Variants in TMEM131 observed in about 807,000 individuals in gnomAD.
TMEM131 encodes 2610524E03Rik.
In TMEM131, 66 loss-of-function variants were observed where a neutral mutation model predicts 211.6. The observed-to-expected ratio is 0.31, with a 90% CI of 0.26 to 0.38. TMEM131 has a LOEUF of 0.38. Ranked by LOEUF, TMEM131 falls within the 10% of genes least tolerant of loss-of-function variation. The pLI, the probability that TMEM131 is intolerant of heterozygous loss-of-function variation, is 1.00. For missense variants in TMEM131, 2,036 were observed against 2,299.3 expected (o/e 0.89, Z 2.34); for synonymous variants, 844 against 841.3 (o/e 1.00, Z -0.06).
chr2:97,977,563 T>G (rs562910188), intron 1 of TMEM131, among the ~76,000 whole-genome samples: 1 of 152,250 alleles, frequency 6.6e-6, no homozygotes, highest in African/African-American at 2.4e-5. Context: ...GATTTCCCAG[T>G]GCTTATAAAA....
chr2:97,972,962 T>C (rs1679372188), intron 1 of TMEM131, among the ~76,000 whole-genome samples: 1 of 152,212 alleles, frequency 6.6e-6, no homozygotes, highest in African/African-American at 2.4e-5. Context: ...AAAAAATCTT[T>C]TTTAATTTTG....
At chr2:97,822,082 T>C (rs984417692) in intron 11 of TMEM131, among the ~76,000 whole-genome samples, 2 of 152,164 alleles carry the variant, frequency 1.3e-5, no homozygotes, top group African/African-American at 4.8e-5. Flanking sequence ...TCAGACAAAC[T>C]TCCTCTTGCC....
chr2:97,804,939 G>A (rs1681221404), intron 22 of TMEM131, 149 bp downstream of exon 22: 5 of 552,372 alleles, frequency 9.1e-6, no homozygotes, highest in Non-Finnish European at 1.6e-5. Context: ...GGCAATTTAA[G>A]ATGCCTCACT....
chr2:97,909,305 C>G (rs1219338409), intron 2 of TMEM131, among the ~76,000 whole-genome samples: 1 of 151,992 alleles, frequency 6.6e-6, no homozygotes, highest in Non-Finnish European at 1.5e-5. Context: ...TCATAGAGAG[C>G]AGAGGTTGGT....
intron 5 of TMEM131, among the ~76,000 whole-genome samples, chr2:97,855,551 A>C (rs907765436): frequency 6.6e-6 from 1 of 152,170 alleles, no homozygotes. Context: ...AAATACAAAA[A>C]TTAGCTGGGT....
At chr2:97,796,812 T>A (rs1442143078) in intron 27 of TMEM131, 32 bp downstream of exon 27, 2 of 1,597,442 alleles carry the variant, frequency 1.3e-6, no homozygotes, top group Non-Finnish European at 1.7e-6. Flanking sequence ...AATGCTGAAA[T>A]TAGTGTCCTT....
At chr2:97,809,829 G>C (rs543318445) in intron 18 of TMEM131, 55 bp from the exon 19 acceptor site, 1 of 1,367,674 alleles carries the variant, frequency 7.3e-7, no homozygotes, top group East Asian at 2.5e-5. Context: ...GCCTGATCTT[G>C]ATAACTATTG....
Position 97,894,658 on chromosome 2 carries a change from T to C in TMEM131, c.291-6538A>G, listed in dbSNP as rs563560558. On this transcript the variant is annotated intron_variant, in intron 3 of 40. Transcript: ENST00000186436. ...TCTTTGTAGCAATTGTGAATGGGAGTTACTCATGATTTGGCTGTCTGTTAT... is the reference window on the plus strand; with the variant it reads ...TCTTTGTAGCAATTGTGAATGGGAGCTACTCATGATTTGGCTGTCTGTTAT... Among the ~76,000 whole-genome samples, 78 of 152,302 alleles carry C rather than the reference T, an allele frequency of 5.1e-4. 1 individual carries two copies. The highest frequency in any genetic ancestry group is 1.8e-3 in the African/African-American group (74 of 41,566).
intron 31 of TMEM131, among the ~76,000 whole-genome samples, chr2:97,777,615 C>T (rs572288307): frequency 2.1e-4 from 32 of 152,334 alleles, no homozygotes; most frequent in African/African-American, 5.8e-4. Context: ...GTAAGTAAAT[C>T]GCTTAGTGAT....
intron 2 of TMEM131, among the ~76,000 whole-genome samples, chr2:97,913,275 G>A (rs780521092): frequency 1.3e-5 from 2 of 152,124 alleles, no homozygotes; most frequent in African/African-American, 4.8e-5. Flanking sequence ...ACTGAACATC[G>A]TACTACAACC....
chr2:97,874,214 T>C (rs564314999), intron 4 of TMEM131, among the ~76,000 whole-genome samples: 171 of 152,226 alleles, frequency 1.1e-3, no homozygotes, highest in African/African-American at 4.0e-3. Flanking sequence ...CCAAGAAATA[T>C]GGGACTATGT....
chr2:97,802,463 G>A lies in TMEM131; in HGVS notation c.2616C>T (p.Ser872=), dbSNP rs1288320614. The stretch of plus-strand genomic sequence containing the variant: ...ACTTATCTACAAACACTGAAGGGTT[G>A]GAATATAAAGCCAGAGGAATAAACT... ...YVQFIPLALY[S]NPSVFVDKLV... is the part of the protein sequence containing the mutation. The change falls in exon 24 of 41, where the codon TCC becomes TCT. Residue 872 remains serine, a synonymous_variant. Coordinates refer to ENST00000186436, the MANE Select transcript of TMEM131 (RefSeq NM_015348.2). The A allele has an allele frequency of 6.2e-7, 1 of 1,611,454 alleles. No individual in the cohort carries two copies. Among genetic ancestry groups the A allele is most frequent in the African/African-American group, 1.3e-5 (1 of 74,756 alleles).
At chr2:97,948,093 A>G (rs1362519812) in intron 1 of TMEM131, among the ~76,000 whole-genome samples, 2 of 152,190 alleles carry the variant, frequency 1.3e-5, no homozygotes, top group African/African-American at 4.8e-5. Context: ...AGAAATCAAC[A>G]CGGGAAAATT....
chr2:97,920,110 A>G (rs1676679606), intron 2 of TMEM131, among the ~76,000 whole-genome samples: 1 of 152,176 alleles, frequency 6.6e-6, no homozygotes, highest in Non-Finnish European at 1.5e-5. Flanking sequence ...CCAATGGGCA[A>G]TCTTTGCTCC....
chr2:97,987,240 C>A (rs193243927), intron 1 of TMEM131, among the ~76,000 whole-genome samples: 140 of 152,350 alleles, frequency 9.2e-4, no homozygotes, highest in Middle Eastern at 6.8e-3. Context: ...TGGCCAGGCA[C>A]AGTGGCTCAT....
intron 3 of TMEM131, among the ~76,000 whole-genome samples, chr2:97,902,269 G>A (rs1675887870): frequency 6.6e-6 from 1 of 152,046 alleles, no homozygotes; most frequent in Admixed American, 6.6e-5. Context: ...TATACACTCA[G>A]ACTAAAGAAA....
At chr2:97,987,398 G>A (rs537147915) in intron 1 of TMEM131, among the ~76,000 whole-genome samples, 5 of 152,206 alleles carry the variant, frequency 3.3e-5, no homozygotes, top group African/African-American at 1.2e-4. Flanking sequence ...AGCTACTCAG[G>A]AGGCTGAGGC....
intron 12 of TMEM131, among the ~76,000 whole-genome samples, chr2:97,817,316 A>G (rs1681876155): frequency 1.3e-5 from 2 of 152,188 alleles, no homozygotes; most frequent in Non-Finnish European, 2.9e-5. Context: ...GGCTGGGTGC[A>G]GTGCCTCACG....
chr2:97,887,547 G>T (rs910126433), intron 4 of TMEM131, among the ~76,000 whole-genome samples: 2 of 152,076 alleles, frequency 1.3e-5, no homozygotes, highest in African/African-American at 4.8e-5. Context: ...CCTGCTTGGG[G>T]GAGGGTGTGC....
Sources: allele counts gnomAD v4.1 joint callset (sites outside exome capture counted in the v4.1 genomes callset), GRCh38; gene constraint gnomAD v4.1.1; transcripts MANE v1.5; gene names NCBI Gene and HGNC (gene_info 2026-07-23, HGNC 2026-07-21).